Variants in XPO6 observed in about 807,000 individuals in gnomAD.
XPO6 encodes the protein exportin-6.
Under a neutral mutation model 130.0 loss-of-function variants are expected in XPO6, and 3 were observed. The ratio of observed to expected loss-of-function variants is 0.02; its 90% CI spans 0.01 to 0.06. The LOEUF (loss-of-function observed/expected upper bound fraction) is 0.06, where lower values mean the gene tolerates loss of function less well. XPO6 is among the 10% of genes least tolerant of loss of function. The probability of loss-of-function intolerance (pLI) is 1.00; values close to 1 mark genes in which losing one functional copy is unlikely to be tolerated. For missense variants in XPO6, 970 were observed against 1,393.0 expected (o/e 0.70, Z 4.83); for synonymous variants, 524 against 548.9 (o/e 0.95, Z 0.63).
In XPO6 at chr16:28,156,209, G is replaced by A. The variant is rs757164838; in HGVS notation, c.962C>T (p.Ser321Phe). 2 of 1,614,138 alleles carry A rather than the reference G, an allele frequency of 1.2e-6. No individual in the cohort carries two copies. The highest frequency in any genetic ancestry group is 1.1e-5 in the South Asian group (1 of 91,080). ...LAMSCINELMSKNCVPMEFEE... is the reference protein window; with the variant it reads ...LAMSCINELMFKNCVPMEFEE... Reference sequence around the variant, plus strand: ...AAATTCCATAGGCACACAGTTCTTGGACATGAGTTCATTGATGCAGGACAT... The same window carrying A: ...AAATTCCATAGGCACACAGTTCTTGAACATGAGTTCATTGATGCAGGACAT... The change falls in exon 7 of 24, where the codon TCC becomes TTC. Residue 321 changes from serine to phenylalanine, a missense_variant. By Grantham distance (155) the Ser-to-Phe change is radical (BLOSUM62 -2). Coordinates refer to ENST00000304658, the MANE Select transcript of XPO6 (RefSeq NM_015171.4).
intron 12 of XPO6, 49 bp from the exon 13 acceptor site, chr16:28,125,897 G>A (rs1485394236): frequency 4.4e-6 from 7 of 1,578,480 alleles, no homozygotes; most frequent in Non-Finnish European, 6.0e-6. Flanking sequence ...CCACGCTTTA[G>A]ATACTACAGA....
rs2087246153 is a variant in XPO6 at position 28,121,736 on chromosome 16, G to A, written c.1793C>T (p.Ser598Phe). The change falls in exon 14 of 24, where the codon TCT (serine) becomes TTT (phenylalanine). Residue 598 changes from serine (S) to phenylalanine (F), a missense_variant. By Grantham distance (155) the Ser-to-Phe change is radical. Around this residue, in one of 4 missense-constraint regions of XPO6, gnomAD observed 936 missense variants for 1,306.8 expected, o/e 0.72. Transcript: ENST00000304658. ...ERLVKVTLYG[S>F]QIKLYNIETA... ...TTCAATGTTGTACAATTTTATCTGA[G>A]ATCCGTACAGAGTGACTTTGACCAA... 1 of 1,613,936 alleles carries A rather than the reference G, an allele frequency of 6.2e-7. No individual in the cohort carries two copies. The highest frequency in any genetic ancestry group is 8.5e-7 in the Non-Finnish European group (1 of 1,179,872).
At chr16:28,099,159 C>A (rs2086598954) in intron 23 of XPO6, among the ~76,000 whole-genome samples, 1 of 152,204 alleles carries the variant, frequency 6.6e-6, no homozygotes, top group African/African-American at 2.4e-5. Context: ...CCGCCCCTGC[C>A]CCTCGAGAGC....
chr16:28,170,031 C>G, intron 4 of XPO6, 122 bp from the exon 5 acceptor site: 9 of 1,306,018 alleles, frequency 6.9e-6, no homozygotes, highest in African/African-American at 1.5e-5. Flanking sequence ...TAAATCAACA[C>G]TTCAGAAACA....
intron 1 of XPO6, among the ~76,000 whole-genome samples, chr16:28,189,825 A>G (rs185770761): frequency 6.6e-6 from 1 of 152,378 alleles, no homozygotes; most frequent in African/African-American, 2.4e-5. Context: ...CTGCATCTAA[A>G]CATAATTTTA....
intron 1 of XPO6, among the ~76,000 whole-genome samples, chr16:28,183,085 C>T (rs951681616): frequency 1.3e-5 from 2 of 152,196 alleles, no homozygotes; most frequent in Non-Finnish European, 2.9e-5. Context: ...CTGCAGCAAA[C>T]TTGAGCTTAT....
At chr16:28,116,764 T>C (rs1230621289) in intron 15 of XPO6, among the ~76,000 whole-genome samples, 1 of 152,158 alleles carries the variant, frequency 6.6e-6, no homozygotes, top group African/African-American at 2.4e-5. Context: ...ATTACAATAG[T>C]AACATTAAAG....
rs181557645 is a variant in XPO6, at chr16:28,132,543, C to A, written c.1537-140G>T. Reference sequence around the variant, plus strand: ...CCTTTTCTCTGGGAACCTTTAAATGCAGCTAAAAAGCTATGACCCCCCTTC... The same window carrying A: ...CCTTTTCTCTGGGAACCTTTAAATGAAGCTAAAAAGCTATGACCCCCCTTC... On this transcript the variant is annotated intron_variant, in intron 11 of 23. Transcript: ENST00000304658. The surrounding 1 kb of genome is among the most constrained non-coding windows in gnomAD (Gnocchi z 4.0). The A allele has an allele frequency of 2.0e-3, 1,162 of 582,886 alleles. 10 individuals carry two copies. The highest frequency in any genetic ancestry group is 0.02 in the Middle Eastern group (42 of 2,118). The allele number at this position is 582,886 out of a possible 1,614,324, so 36.1% of individuals were successfully genotyped here.
At chr16:28,211,099 TC>T (rs2044121451) in intron 1 of XPO6, among the ~76,000 whole-genome samples, 1 of 152,194 alleles carries the variant, frequency 6.6e-6, no homozygotes, top group Admixed American at 6.5e-5. Flanking sequence ...ATAGTTATTA[TC>T]CGGAGGAGCT....
intron 1 of XPO6, among the ~76,000 whole-genome samples, chr16:28,181,334 T>C (rs1317421746): frequency 2.0e-5 from 3 of 152,182 alleles, no homozygotes; most frequent in African/African-American, 7.2e-5. Context: ...GAAAGCAAAT[T>C]AGCCCCTGGC....
At chr16:28,188,265 A>G (rs1295352742) in intron 1 of XPO6, among the ~76,000 whole-genome samples, 1 of 152,178 alleles carries the variant, frequency 6.6e-6, no homozygotes, top group African/African-American at 2.4e-5. Flanking sequence ...TTTTAAAGAC[A>G]CTTCTATTAA....
intron 1 of XPO6, among the ~76,000 whole-genome samples, chr16:28,199,826 G>A (rs989813536): frequency 2.6e-5 from 4 of 151,578 alleles, no homozygotes; most frequent in African/African-American, 9.7e-5. Context: ...TTACAGGCAT[G>A]AGCCACTGCA....
At chr16:28,164,871 T>C (rs2043331487) in intron 6 of XPO6, among the ~76,000 whole-genome samples, 1 of 152,208 alleles carries the variant, frequency 6.6e-6, no homozygotes, top group South Asian at 2.1e-4. Context: ...CTGCTGTTGC[T>C]AATAAACCAT....
intron 1 of XPO6, among the ~76,000 whole-genome samples, chr16:28,192,079 G>A (rs2043795315): frequency 6.6e-6 from 1 of 151,978 alleles, no homozygotes. Context: ...GGCCAACATG[G>A]TGAAACCCCA....
At chr16:28,103,208 CCAGA>C (rs1454663164) in intron 21 of XPO6, among the ~76,000 whole-genome samples, 11 of 152,310 alleles carry the variant, frequency 7.2e-5, no homozygotes, top group South Asian at 6.2e-4. Context: ...TCTACCTTTT[CCAGA>C]ATGTCATAGA....
At chr16:28,184,008 C>T (rs1490309835) in intron 1 of XPO6, among the ~76,000 whole-genome samples, 4 of 152,086 alleles carry the variant, frequency 2.6e-5, no homozygotes, top group Non-Finnish European at 2.9e-5. Context: ...ACAAAGCCAC[C>T]GGAACCTTGG....
chr16:28,164,053 G>C (rs1236642096), intron 6 of XPO6, among the ~76,000 whole-genome samples: 1 of 152,208 alleles, frequency 6.6e-6, no homozygotes, highest in Non-Finnish European at 1.5e-5. Flanking sequence ...TAAAGGAGTT[G>C]TTGCAGGAAC....
At chr16:28,205,225 T>C (rs2044008643) in intron 1 of XPO6, among the ~76,000 whole-genome samples, 1 of 152,178 alleles carries the variant, frequency 6.6e-6, no homozygotes, top group Admixed American at 6.5e-5. Context: ...GTGTACTACA[T>C]GTATATGTGT....
At chr16:28,122,393 G>A (rs2087266932) in intron 13 of XPO6, among the ~76,000 whole-genome samples, 1 of 152,126 alleles carries the variant, frequency 6.6e-6, no homozygotes, top group Non-Finnish European at 1.5e-5. Flanking sequence ...AGGCCAAGGT[G>A]GGAGGATCAC....
Sources: allele counts gnomAD v4.1 joint callset (sites outside exome capture counted in the v4.1 genomes callset), GRCh38; gene constraint gnomAD v4.1.1; regional missense constraint gnomAD v4.1.1; non-coding constraint Gnocchi (gnomAD v3.1); transcripts MANE v1.5; gene names NCBI Gene and HGNC (gene_info 2026-07-23, HGNC 2026-07-21).